Variants in VWC2L observed in about 807,000 individuals in gnomAD.
VWC2L encodes the protein von Willebrand factor C domain-containing protein 2-like.
VWC2L carries 10 observed loss-of-function variants against 21.6 expected under a neutral mutation model. That is an observed-to-expected ratio of 0.46 (90% CI 0.29 to 0.78). The LOEUF is 0.78. VWC2L is among the 30% of genes least tolerant of loss of function. The pLI is 0.10. For missense variants in VWC2L, 209 were observed against 277.1 expected, an observed-to-expected ratio of 0.75 and a Z score of 1.74; for synonymous variants, 96 against 94.3, an observed-to-expected ratio of 1.02 and a Z score of -0.10.
chr2:214,514,919 G>T (rs1307232816), intron 3 of VWC2L, among the ~76,000 whole-genome samples: 1 of 152,218 alleles, frequency 6.6e-6, no homozygotes, highest in Non-Finnish European at 1.5e-5. Flanking sequence ...CTTGCTGCCA[G>T]TGCAGTTACA....
intron 3 of VWC2L, among the ~76,000 whole-genome samples, chr2:214,508,546 G>T (rs1320833931): frequency 6.6e-6 from 1 of 152,174 alleles, no homozygotes; most frequent in East Asian, 1.9e-4. Flanking sequence ...TAACAACCAA[G>T]TAGTTAACTA....
intron 3 of VWC2L, among the ~76,000 whole-genome samples, chr2:214,560,610 T>C (rs936695330): frequency 1.3e-5 from 2 of 152,244 alleles, no homozygotes; most frequent in African/African-American, 4.8e-5. Context: ...AAATTTTATG[T>C]TTTATATGAA....
chr2:214,554,556 A>G (rs1689845953), intron 3 of VWC2L, among the ~76,000 whole-genome samples: 1 of 152,036 alleles, frequency 6.6e-6, no homozygotes, highest in Non-Finnish European at 1.5e-5. Context: ...CCAGCTACTC[A>G]GGAGGCTGAG....
chr2:214,485,563 T>A (rs546722002), intron 3 of VWC2L, among the ~76,000 whole-genome samples: 1 of 152,316 alleles, frequency 6.6e-6, no homozygotes, highest in African/African-American at 2.4e-5. Flanking sequence ...CGAAGGTCAC[T>A]TAGCTTAGGG....
At chr2:214,478,483 A>G (rs1456525667) in intron 3 of VWC2L, among the ~76,000 whole-genome samples, 2 of 151,628 alleles carry the variant, frequency 1.3e-5, no homozygotes, top group East Asian at 3.9e-4. Flanking sequence ...AAAAAAAAAC[A>G]ACAAAAAACA....
chr2:214,477,159 A>G (rs1688536821), intron 3 of VWC2L, among the ~76,000 whole-genome samples: 1 of 152,202 alleles, frequency 6.6e-6, no homozygotes, highest in African/African-American at 2.4e-5. Flanking sequence ...ATTTAGGTGA[A>G]AAGGGACAGA....
At chr2:214,550,908 A>G (rs1689783636) in intron 3 of VWC2L, among the ~76,000 whole-genome samples, 1 of 152,096 alleles carries the variant, frequency 6.6e-6, no homozygotes, top group South Asian at 2.1e-4. Flanking sequence ...TAATTTTGCT[A>G]CAAAAGGCCT....
At chr2:214,492,102 T>C (rs1017621360) in intron 3 of VWC2L, among the ~76,000 whole-genome samples, 1 of 152,202 alleles carries the variant, frequency 6.6e-6, no homozygotes, top group East Asian at 1.9e-4. Flanking sequence ...GTAAGCATAA[T>C]GACAGCTGAT....
chr2:214,555,357 C>G (rs1327797619), intron 3 of VWC2L, among the ~76,000 whole-genome samples: 1 of 152,154 alleles, frequency 6.6e-6, no homozygotes, highest in Non-Finnish European at 1.5e-5. Context: ...GTTATCAGGA[C>G]CTGTTGAGAC....
chr2:214,562,862 C>A (rs557390482), intron 3 of VWC2L, among the ~76,000 whole-genome samples: 2 of 152,274 alleles, frequency 1.3e-5, no homozygotes, highest in East Asian at 3.9e-4. Flanking sequence ...GGACATTAGA[C>A]CTTTGTCCAA....
chr2:214,450,398 C>G (rs1702935964), intron 3 of VWC2L, among the ~76,000 whole-genome samples: 1 of 152,224 alleles, frequency 6.6e-6, no homozygotes, highest in Non-Finnish European at 1.5e-5. Context: ...CAGTATGTGT[C>G]TAAGCACCCA....
At chr2:214,448,739 G>A (rs1203186891) in intron 3 of VWC2L, among the ~76,000 whole-genome samples, 1 of 152,164 alleles carries the variant, frequency 6.6e-6, no homozygotes, top group Non-Finnish European at 1.5e-5. Flanking sequence ...GATAAAGTAT[G>A]TTAATGTCTG....
chr2:214,494,316 G>A (rs531660247), intron 3 of VWC2L, among the ~76,000 whole-genome samples: 38 of 152,192 alleles, frequency 2.5e-4, no homozygotes, highest in African/African-American at 8.2e-4. Flanking sequence ...CAATTATTCC[G>A]ATTTGGAATG....
chr2:214,521,280 A>AAATAAATAAAT (rs1264716405), intron 3 of VWC2L, among the ~76,000 whole-genome samples: 1 of 146,970 alleles, frequency 6.8e-6, no homozygotes, highest in Non-Finnish European at 1.5e-5. Context: ...AATAAATAAA[A>AAATAAATAAAT]CTACCAAGTT....
At chr2:214,518,687 C>A (rs1689183363) in intron 3 of VWC2L, among the ~76,000 whole-genome samples, 1 of 152,106 alleles carries the variant, frequency 6.6e-6, no homozygotes, top group Non-Finnish European at 1.5e-5. Flanking sequence ...GATAACAGTA[C>A]CACTCCTGGG....
At chr2:214,463,785 T>C (rs1355874010) in intron 3 of VWC2L, among the ~76,000 whole-genome samples, 1 of 152,208 alleles carries the variant, frequency 6.6e-6, no homozygotes, top group African/African-American at 2.4e-5. Context: ...AGGCCTATAA[T>C]GCTAAGATTT....
chr2:214,483,338 C>T (rs1284782528), intron 3 of VWC2L, among the ~76,000 whole-genome samples: 1 of 151,328 alleles, frequency 6.6e-6, no homozygotes, highest in East Asian at 1.9e-4. Flanking sequence ...GAGTTAATGG[C>T]TTAACTATTT....
chr2:214,509,561 G>C (rs1382584485), intron 3 of VWC2L, among the ~76,000 whole-genome samples: 1 of 152,130 alleles, frequency 6.6e-6, no homozygotes, highest in East Asian at 1.9e-4. Context: ...AGTGGGAGTA[G>C]AGGGTAAGAG....
chr2:214,500,964 ACTCT>A lies in VWC2L; in HGVS notation c.520+64209_520+64212del, dbSNP rs111358352. Reference sequence around the variant, plus strand: ...ATAATTTCTAATCTCATCAGGTTGTACTCTCTAAGTAAGCCTATAAACAGCATCT... The same window carrying A: ...ATAATTTCTAATCTCATCAGGTTGTACTAAGTAAGCCTATAAACAGCATCT... On this transcript the variant is annotated intron_variant, in intron 3 of 3. Transcript: ENST00000312504. 1.1e-4 allele frequency among the ~76,000 whole-genome samples: 16 copies of A among 152,250 alleles called. 2 individuals are homozygous for A. Among genetic ancestry groups the A allele is most frequent in the African/African-American group, 2.6e-4 (11 of 41,514 alleles).
Sources: allele counts gnomAD v4.1 joint callset (sites outside exome capture counted in the v4.1 genomes callset), GRCh38; gene constraint gnomAD v4.1.1; transcripts MANE v1.5; gene names NCBI Gene and HGNC (gene_info 2026-07-23, HGNC 2026-07-21).